The following TRHDE variants were observed in gnomAD, a reference collection of about 807,000 sequenced individuals.
The protein encoded by TRHDE is thyrotropin-releasing hormone-degrading ectoenzyme.
Under a neutral mutation model 125.7 loss-of-function variants are expected in TRHDE, and 72 were observed. That is an observed-to-expected ratio of 0.57 (90% CI 0.47 to 0.70). The LOEUF (loss-of-function observed/expected upper bound fraction) is 0.70. Among genes scored for constraint, TRHDE ranks in the 30% least tolerant of loss-of-function variants. The pLI is 0.00. For missense variants in TRHDE, 1,110 were observed against 1,327.1 expected, an observed-to-expected ratio of 0.84 and a Z score of 2.54; for synonymous variants, 509 against 509.1, an observed-to-expected ratio of 1.00 and a Z score of 0.00.
chr12:72,651,952 T>C (rs1248808089), intron 15 of TRHDE, among the ~76,000 whole-genome samples: 1 of 151,992 alleles, frequency 6.6e-6, no homozygotes, highest in Non-Finnish European at 1.5e-5. Flanking sequence ...TTTCTTGACA[T>C]TCTTGGGTCT....
chr12:72,273,685 C>A lies in TRHDE; in HGVS notation c.914+128C>A. 1.1e-6 allele frequency: 1 copy of A among 919,692 alleles called. No individual in the cohort carries two copies. The allele number at this position is 919,692 out of a possible 1,614,324, so 57.0% of individuals were successfully genotyped here. On this transcript the variant is annotated intron_variant, in intron 1 of 18. Coordinates refer to ENST00000261180, the MANE Select transcript of TRHDE (RefSeq NM_013381.3). This position sits in a 1 kb window ranked among gnomAD's most constrained non-coding sequence, Gnocchi z 5.3. ...GAAGCCAGGGGTGGGGGGAAGGAAA[C>A]GAAAGCGGAGTAGGGCAGTCAGAAC...
At chr12:72,433,948 C>T (rs541927000) in intron 3 of TRHDE, among the ~76,000 whole-genome samples, 1 of 152,060 alleles carries the variant, frequency 6.6e-6, no homozygotes, top group South Asian at 2.1e-4. Context: ...TGACTGAGAG[C>T]TGGTGGGAAA....
At chr12:72,361,255 G>A (rs1448883813) in intron 2 of TRHDE, among the ~76,000 whole-genome samples, 1 of 151,716 alleles carries the variant, frequency 6.6e-6, no homozygotes, top group African/African-American at 2.4e-5. Flanking sequence ...AAATCCCATG[G>A]GATTTATTCA....
chr12:72,263,934 T>C (rs894499903), intron 2 of TRHDE: 15 of 152,006 alleles, frequency 9.9e-5, no homozygotes, highest in African/African-American at 3.4e-4. Context: ...CCACTCTTAA[T>C]AGGGCAGGAG....
At chr12:72,641,172 TA>T (rs1403297121) in intron 15 of TRHDE, among the ~76,000 whole-genome samples, 1 of 152,222 alleles carries the variant, frequency 6.6e-6, no homozygotes, top group Non-Finnish European at 1.5e-5. Flanking sequence ...ACTTATGTCA[TA>T]AGTATCAAAA....
intron 15 of TRHDE, among the ~76,000 whole-genome samples, chr12:72,651,222 A>T (rs577662250): frequency 1.3e-5 from 2 of 152,096 alleles, no homozygotes; most frequent in Non-Finnish European, 2.9e-5. Flanking sequence ...ATTTTGTATG[A>T]TACTTTCTTA....
chr12:72,601,188 T>G (rs959751771), intron 12 of TRHDE, among the ~76,000 whole-genome samples: 1 of 152,108 alleles, frequency 6.6e-6, no homozygotes, highest in Non-Finnish European at 1.5e-5. Flanking sequence ...CTGTCTGGGA[T>G]GACTTTGATA....
At chr12:72,387,788 A>G (rs1872485776) in intron 3 of TRHDE, among the ~76,000 whole-genome samples, 1 of 152,042 alleles carries the variant, frequency 6.6e-6, no homozygotes, top group African/African-American at 2.4e-5. Flanking sequence ...TATAAGGGGA[A>G]CACCCTTTCG....
In TRHDE at chr12:72,670,703, A is replaced by C. The variant is rs1275224888; in HGVS notation, c.*7508A>C. On this transcript the variant is annotated 3_prime_UTR_variant, in exon 19 of 19. Transcript: ENST00000261180. ...ATTTGTGCTATATTGTAAAAATAAAAACAATTTGTTCTCCTTTCTAATTAT... is the reference window on the plus strand; with the variant it reads ...ATTTGTGCTATATTGTAAAAATAAACACAATTTGTTCTCCTTTCTAATTAT... 3 of 151,752 alleles carry C rather than the reference A, an allele frequency of 2.0e-5. No homozygotes were observed. In the East Asian group the frequency reaches 5.8e-4, roughly 30 times the overall value. 9.4% of individuals were successfully genotyped at this position (151,752 alleles called of 1,614,324 possible). A position where few individuals can be genotyped will look rare whatever the true frequency, so the allele number is the denominator to read the frequency against.
At chr12:72,621,303 C>T (rs1242526149) in intron 14 of TRHDE, 98 bp downstream of exon 14, 3 of 793,200 alleles carry the variant, frequency 3.8e-6, no homozygotes, top group South Asian at 3.3e-5. Context: ...GACAATCTTC[C>T]TTTCATTCTT....
At chr12:72,520,220 G>T (rs572371333) in intron 6 of TRHDE, among the ~76,000 whole-genome samples, 3 of 152,336 alleles carry the variant, frequency 2.0e-5, no homozygotes, top group Admixed American at 2.0e-4. Context: ...CTGGGCAATG[G>T]CGGGCGCCCC....
intron 15 of TRHDE, among the ~76,000 whole-genome samples, chr12:72,628,078 A>T (rs1215147119): frequency 6.6e-6 from 1 of 151,926 alleles, no homozygotes; most frequent in Non-Finnish European, 1.5e-5. Flanking sequence ...GATGTAAAAC[A>T]TACTGAGCCT....
intron 3 of TRHDE, among the ~76,000 whole-genome samples, chr12:72,418,685 G>A (rs1175970533): frequency 2.0e-5 from 3 of 152,078 alleles, no homozygotes; most frequent in Non-Finnish European, 4.4e-5. Flanking sequence ...TACTCAAAGT[G>A]CTTTGCAAAC....
intron 2 of TRHDE, among the ~76,000 whole-genome samples, chr12:72,242,088 C>T (rs1286215200): frequency 2.0e-5 from 3 of 152,158 alleles, no homozygotes; most frequent in Non-Finnish European, 2.9e-5. Context: ...CACCAATCTA[C>T]ACATTATTTC....
intron 2 of TRHDE, among the ~76,000 whole-genome samples, chr12:72,355,322 A>G (rs1161958480): frequency 6.6e-6 from 1 of 151,510 alleles, no homozygotes; most frequent in Non-Finnish European, 1.5e-5. Context: ...TTCAAGATTA[A>G]ACAAAGAGTG....
At chr12:72,172,698 C>T (rs1282609635) in intron 2 of TRHDE, among the ~76,000 whole-genome samples, 2 of 152,214 alleles carry the variant, frequency 1.3e-5, no homozygotes, top group South Asian at 2.1e-4. Flanking sequence ...ACCATGGCCA[C>T]TCATAACTAA....
At chr12:72,302,793 G>A (rs1375858066) in intron 2 of TRHDE, among the ~76,000 whole-genome samples, 1 of 152,130 alleles carries the variant, frequency 6.6e-6, no homozygotes, top group Non-Finnish European at 1.5e-5. Context: ...GATCTGCTGA[G>A]GAAGGCTTTA....
intron 4 of TRHDE, among the ~76,000 whole-genome samples, chr12:72,470,545 G>T (rs765480468): frequency 1.3e-5 from 2 of 152,040 alleles, no homozygotes; most frequent in East Asian, 1.9e-4. Context: ...ATTAGATTTC[G>T]CAGTGCTTAT....
intron 6 of TRHDE, among the ~76,000 whole-genome samples, chr12:72,500,596 T>A (rs2135936884): frequency 6.6e-6 from 1 of 152,148 alleles, no homozygotes; most frequent in South Asian, 2.1e-4. Flanking sequence ...TTCACCATGT[T>A]GGCCAGGCTG....
Sources: allele counts gnomAD v4.1 joint callset (sites outside exome capture counted in the v4.1 genomes callset), GRCh38; gene constraint gnomAD v4.1.1; non-coding constraint Gnocchi (gnomAD v3.1); transcripts MANE v1.5; gene names NCBI Gene and HGNC (gene_info 2026-07-23, HGNC 2026-07-21).